OTOG: variants seen among roughly 807,000 people sequenced by gnomAD.
OTOG encodes the protein otogelin.
Under a neutral mutation model 313.8 loss-of-function variants are expected in OTOG, and 296 were observed. That is an observed-to-expected ratio of 0.94 (90% CI 0.86 to 1.04). The LOEUF (loss-of-function observed/expected upper bound fraction) is 1.04. Among genes scored for constraint, OTOG ranks in the 50% least tolerant of loss-of-function variants. OTOG has a pLI of 0.00. For synonymous variants in OTOG, 1,533 were observed against 1,554.9 expected, an observed-to-expected ratio of 0.99 and a Z score of 0.33; for missense variants, 3,948 against 3,840.1, an observed-to-expected ratio of 1.03 and a Z score of -0.74.
At chr11:17,567,044 G>C (rs141181969) in intron 15 of OTOG, among the ~76,000 whole-genome samples, 1 of 152,274 alleles carries the variant, frequency 6.6e-6, no homozygotes, top group African/African-American at 2.4e-5. Context: ...GGTAGGATTG[G>C]GTACAACCAA....
intron 54 of OTOG, 94 bp downstream of exon 54, chr11:17,643,600 C>T (rs1848017410): frequency 2.1e-6 from 2 of 934,622 alleles, no homozygotes; most frequent in African/African-American, 1.7e-5. Context: ...CCTGGCCTGG[C>T]ACCTAAAATG....
In OTOG at chr11:17,610,880, C is replaced by T; in HGVS notation, c.5580C>T (p.His1860=). ...CTCCAGCAGCAATGACCCAGGCGCA[C>T]CCACCCACTCACATAGCACCCCCAG... ...PFTPAAMTQA[H]PPTHIAPPAA... The change falls in exon 36 of 56, where the codon CAC becomes CAT. Residue 1860 remains histidine (H), a synonymous_variant. Transcript: ENST00000399397. 2.6e-6 allele frequency: 4 copies of T among 1,550,800 alleles called. No individual in the cohort carries two copies. The highest frequency in any genetic ancestry group is 3.9e-5 in the Admixed American group (2 of 51,014).
chr11:17,601,166 G>A (rs1384622559), intron 31 of OTOG, among the ~76,000 whole-genome samples: 1 of 152,170 alleles, frequency 6.6e-6, no homozygotes, highest in African/African-American at 2.4e-5. Flanking sequence ...TCTAGTGGGG[G>A]TGACAGATGT....
chr11:17,563,854 G>GTTTTT (rs61373849), intron 15 of OTOG, among the ~76,000 whole-genome samples: 1 of 106,626 alleles, frequency 9.4e-6, no homozygotes, highest in Non-Finnish European at 1.8e-5. Flanking sequence ...CTAGTTTTTG[G>GTTTTT]TTTTTTTTTT....
At position 17,602,438 on chromosome 11, in the gene OTOG, G is replaced by A. The variant is rs527434911; in HGVS notation, c.3877+61G>A. 2.9e-5 allele frequency: 43 copies of A among 1,506,878 alleles called. No homozygotes were observed. In the South Asian group the frequency reaches 4.5e-4, roughly 16 times the overall value. The allele number at this position is 1,506,878 out of a possible 1,614,324, so 93.3% of individuals were successfully genotyped here. ...GGAGGCAGGAGGGTGCTAGAGGAGG[G>A]GAGGGTGCTGAGGCCCTAAGTATCT... On this transcript the variant is annotated intron_variant, in intron 32 of 55. Transcript: ENST00000399397.
Position 17,572,145 on chromosome 11 carries a change from C to T in OTOG, c.2021C>T (p.Ala674Val), listed in dbSNP as rs1359892103. 1 of 1,550,522 alleles carries T rather than the reference C, an allele frequency of 6.4e-7. No individual in the cohort carries two copies. The highest frequency in any genetic ancestry group is 2.0e-5 in the Admixed American group (1 of 51,004). ...LFGNSWKTLSACSPLVSGSPL... is the reference protein window; with the variant it reads ...LFGNSWKTLSVCSPLVSGSPL... ...GGCAATTCCTGGAAAACACTTTCTGCTTGCTCCCCGCTGGTCTCTGGCTCC... is the reference window on the plus strand; with the variant it reads ...GGCAATTCCTGGAAAACACTTTCTGTTTGCTCCCCGCTGGTCTCTGGCTCC... Residue 674 changes from alanine (A) to valine (V), a missense_variant, in exon 18 of 56, where the codon GCT becomes GTT. Transcript: ENST00000399397.
In OTOG at chr11:17,561,753, G is replaced by C; in HGVS notation, c.1590G>C (p.Lys530Asn). The C allele has an allele frequency of 1.3e-6, 2 of 1,550,514 alleles. No individual in the cohort carries two copies. Among genetic ancestry groups the C allele is most frequent in the Non-Finnish European group, 1.7e-6 (2 of 1,146,980 alleles). The change falls in exon 15 of 56, where the codon AAG becomes AAC. Residue 530 changes from lysine (K) to asparagine (N), a missense_variant. Lys to Asn is a moderately conservative substitution (Grantham distance 94). Coordinates refer to ENST00000399397, the MANE Select transcript of OTOG (RefSeq NM_001292063.2). ...CCACATGTCAGTACATCCTGGCCAA[G>C]AGCCGCTCTTCGGGCACCTTCACCG... ...FPATCQYILA[K>N]SRSSGTFTVT...
intron 39 of OTOG, among the ~76,000 whole-genome samples, chr11:17,622,143 C>T (rs555924664): frequency 5.3e-5 from 8 of 152,294 alleles, no homozygotes; most frequent in African/African-American, 1.7e-4. Flanking sequence ...ACAAAGTTTT[C>T]TTTGTGACTC....
At chr11:17,643,547 A>G (rs1321916796) in intron 54 of OTOG, 41 bp downstream of exon 54, 4 of 1,261,276 alleles carry the variant, frequency 3.2e-6, no homozygotes, top group South Asian at 1.8e-5. Flanking sequence ...GGGGGCTCTG[A>G]TGGGGGCACA....
chr11:17,549,607 G>A (rs1348682558), intron 3 of OTOG, among the ~76,000 whole-genome samples: 1 of 152,242 alleles, frequency 6.6e-6, no homozygotes, highest in Non-Finnish European at 1.5e-5. Flanking sequence ...AAAGTCTACT[G>A]GCAGAGCCAG....
intron 38 of OTOG, among the ~76,000 whole-genome samples, chr11:17,613,411 T>A (rs1853646310): frequency 6.7e-6 from 1 of 148,948 alleles, no homozygotes; most frequent in Admixed American, 6.7e-5. Context: ...TTTTCTGTTT[T>A]GGTCTGGGCT....
intron 24 of OTOG, among the ~76,000 whole-genome samples, chr11:17,589,283 C>T (rs925787113): frequency 1.5e-4 from 23 of 152,124 alleles, no homozygotes; most frequent in East Asian, 1.9e-4. Flanking sequence ...TTTCATCCCA[C>T]TAGATAACTA....
intron 18 of OTOG, among the ~76,000 whole-genome samples, chr11:17,572,746 T>C (rs1050713729): frequency 6.6e-6 from 1 of 152,230 alleles, no homozygotes; most frequent in African/African-American, 2.4e-5. Context: ...TTGCCCCTCC[T>C]GCCTCACCTC....
intron 3 of OTOG, among the ~76,000 whole-genome samples, chr11:17,549,007 G>A (rs1161120215): frequency 2.0e-5 from 3 of 152,140 alleles, no homozygotes; most frequent in Admixed American, 1.3e-4. Flanking sequence ...ATGAGCCACT[G>A]AGCCCGGCCT....
rs906436224 is a variant in OTOG at position 17,630,714 on chromosome 11, A to G, written c.6713-988A>G. ...ACTGTTACACAGACTTTGGAATGTC[A>G]TGGATAGTGCATCTGAGGCGTCCTT... On this transcript the variant is annotated intron_variant, in intron 40 of 55. Coordinates refer to ENST00000399397, the MANE Select transcript of OTOG (RefSeq NM_001292063.2). 3.9e-5 allele frequency among the ~76,000 whole-genome samples: 6 copies of G among 152,198 alleles called. 1 individual carries two copies. Among genetic ancestry groups the G allele is most frequent in the Admixed American group, 1.3e-4 (2 of 15,280 alleles).
chr11:17,645,434 C>T (rs1180118997), intron 54 of OTOG, 130 bp from the exon 55 acceptor site: 2 of 821,344 alleles, frequency 2.4e-6, no homozygotes, highest in African/African-American at 3.5e-5. Flanking sequence ...GGGAGGGGCA[C>T]TAATGCATGG....
rs765587052 is a variant in OTOG at position 17,557,183 on chromosome 11, G to A, written c.725G>A (p.Arg242Gln). 1.5e-4 allele frequency: 231 copies of A among 1,550,530 alleles called. No individual in the cohort carries two copies. Among genetic ancestry groups the A allele is most frequent in the Non-Finnish European group, 1.9e-4 (217 of 1,147,026 alleles). The change falls in exon 8 of 56, where the codon CGG becomes CAG. Residue 242 changes from arginine (R) to glutamine (Q), a missense_variant. Physicochemically the swap from Arg to Gln is conservative, Grantham distance 43. Transcript: ENST00000399397. ...CAGCTTGCCGGCTATGTCATCGTGC[G>A]GCATCAGTCAGCCTTCACACTGGCC... Reference protein sequence around the residue: ...LQQLAGYVIVRHQSAFTLAWD... With the variant: ...LQQLAGYVIVQHQSAFTLAWD...
chr11:17,557,053 C>T lies in OTOG; in HGVS notation c.660-65C>T, dbSNP rs139766549. Reference sequence around the variant, plus strand: ...ATGGGGTAGGGACTGGCTGTTCCTTCGGTGAAGAGACTGGGCTAGTGGAGG... The same window carrying T: ...ATGGGGTAGGGACTGGCTGTTCCTTTGGTGAAGAGACTGGGCTAGTGGAGG... On this transcript the variant is annotated intron_variant, in intron 7 of 55. Transcript: ENST00000399397. The T allele has an allele frequency of 3.4e-4, 496 of 1,475,742 alleles. 2 individuals are homozygous for T. In the African/African-American group the frequency reaches 6.0e-3, roughly 18 times the overall value. 91.4% of individuals were successfully genotyped at this position (1,475,742 alleles called of 1,614,324 possible). A position where few individuals can be genotyped will look rare whatever the true frequency, so the allele number is the denominator to read the frequency against.
chr11:17,643,500 A>G lies in OTOG; in HGVS notation c.8455A>G (p.Arg2819Gly). ...SVVPSLEGCCRTCKEDGRSCK... is the reference protein window; with the variant it reads ...SVVPSLEGCCGTCKEDGRSCK... Reference sequence around the variant, plus strand: ...GGTACCTTCCTTGGAAGGATGCTGCAGGACCTGTGAGTGAGCATGGTGGGG... The same window carrying G: ...GGTACCTTCCTTGGAAGGATGCTGCGGGACCTGTGAGTGAGCATGGTGGGG... Residue 2819 changes from arginine to glycine, a missense_variant, in exon 54 of 56, where the codon AGG becomes GGG. Arg to Gly is a moderately radical substitution (Grantham distance 125). Coordinates refer to ENST00000399397, the MANE Select transcript of OTOG (RefSeq NM_001292063.2). 2 of 1,426,586 alleles carry G rather than the reference A, an allele frequency of 1.4e-6. No homozygotes were observed. The highest frequency in any genetic ancestry group is 1.5e-5 in the South Asian group (1 of 67,560). 88.4% of individuals were successfully genotyped at this position (1,426,586 alleles called of 1,614,324 possible). A position where few individuals can be genotyped will look rare whatever the true frequency, so the allele number is the denominator to read the frequency against.
Sources: allele counts gnomAD v4.1 joint callset (sites outside exome capture counted in the v4.1 genomes callset), GRCh38; gene constraint gnomAD v4.1.1; transcripts MANE v1.5; gene names NCBI Gene and HGNC (gene_info 2026-07-23, HGNC 2026-07-21).